The following KRT25 variants were observed in gnomAD, a reference collection of about 807,000 sequenced individuals.
KRT25 encodes the protein keratin 25.
KRT25 carries 37 observed loss-of-function variants against 47.6 expected under a neutral mutation model. The ratio of observed to expected loss-of-function variants is 0.78; its 90% confidence interval spans 0.60 to 1.02. The LOEUF (loss-of-function observed/expected upper bound fraction) is 1.02. KRT25 is among the 50% of genes least tolerant of loss of function. The pLI, the probability that KRT25 is intolerant of heterozygous loss-of-function variation, is 0.00. For synonymous variants in KRT25, 203 were observed against 210.2 expected (o/e 0.97, Z 0.30); for missense variants, 542 against 550.3 (o/e 0.98, Z 0.15).
At position 40,748,151 on chromosome 17, in the gene KRT25, G is replaced by A; in HGVS notation, c.*126C>T. The A allele has an allele frequency of 1.7e-6, 1 of 582,216 alleles. No individual in the cohort carries two copies. Among genetic ancestry groups the A allele is most frequent in the Non-Finnish European group, 3.0e-6 (1 of 337,002 alleles). The allele number at this position is 582,216 out of a possible 1,614,324, so 36.1% of individuals were successfully genotyped here. A position where few individuals can be genotyped will look rare whatever the true frequency, so the allele number is the denominator to read the frequency against. ...GGGAGATGCTGTCATTGATTGCCCA[G>A]AAAGAAAGTAACAGAAAGACAACAG... On this transcript the variant is annotated 3_prime_UTR_variant, in exon 8 of 8. Coordinates refer to ENST00000312150, the MANE Select transcript of KRT25 (RefSeq NM_181534.4).
chr17:40,749,596 G>A (rs2038027743), intron 6 of KRT25, among the ~76,000 whole-genome samples: 1 of 152,164 alleles, frequency 6.6e-6, no homozygotes, highest in African/African-American at 2.4e-5. Context: ...ATGCCACTGG[G>A]TGTATTTATA....
In KRT25 at chr17:40,754,840, T is replaced by A; in HGVS notation, c.429+3A>T. ...AAAATGATTGTGCAGTATGATTTCT[T>A]ACCTGATTTTTAAGGTCATCAATTA... On this transcript the variant is annotated splice_donor_region_variant and intron_variant, in intron 1 of 7. Transcript: ENST00000312150. 6.2e-7 allele frequency: 1 copy of A among 1,605,514 alleles called. No homozygotes were observed. The highest frequency in any genetic ancestry group is 8.5e-7 in the Non-Finnish European group (1 of 1,175,084).
intron 3 of KRT25, among the ~76,000 whole-genome samples, chr17:40,751,737 CTAG>C (rs780847327): frequency 5.3e-5 from 8 of 152,278 alleles, no homozygotes; most frequent in East Asian, 1.9e-4. Context: ...CTTCCTTCCA[CTAG>C]AGGCCAGCTT....
At position 40,750,988 on chromosome 17, in the gene KRT25, G is replaced by A. The variant is rs1411918270; in HGVS notation, c.923C>T (p.Thr308Ile). The change falls in exon 5 of 8, where the codon ACC becomes ATC. Residue 308 changes from threonine to isoleucine, a missense_variant. Transcript: ENST00000312150. ...ELTEMKRTLQ[T>I]LEIELQSLLA... is the part of the protein sequence containing the mutation. ...GAGAGACTGAAGTTCAATTTCCAGG[G>A]TTTGAAGAGTGCGCTTCATTTCAGT... 6.2e-7 allele frequency: 1 copy of A among 1,614,040 alleles called. No homozygotes were observed. The highest frequency in any genetic ancestry group is 1.3e-5 in the African/African-American group (1 of 74,904).
rs763760303 is a variant in KRT25 at position 40,751,011 on chromosome 17, A to T, written c.900T>A (p.Thr300=). The part of the protein sequence containing the change: ...GATTSARNEL[T]EMKRTLQTLE... ...GGGTTTGAAGAGTGCGCTTCATTTC[A>T]GTCAGCTCATTCCGGGCTGAGGTTG... The change falls in exon 5 of 8, where the codon ACT becomes ACA. Residue 300 remains threonine, a synonymous_variant. Transcript: ENST00000312150. 4 of 1,614,176 alleles carry T rather than the reference A, an allele frequency of 2.5e-6. No homozygotes were observed. In the South Asian group the frequency reaches 4.4e-5, roughly 18 times the overall value.
chr17:40,751,478 G>A (rs2038047369), intron 3 of KRT25, 152 bp from the exon 4 acceptor site: 2 of 790,586 alleles, frequency 2.5e-6, no homozygotes, highest in Non-Finnish European at 3.8e-6. Flanking sequence ...TTCCTGTCCC[G>A]TTGACCTAAT....
upstream of KRT25, chr17:40,755,447 G>A (rs2038098580): frequency 5.0e-6 from 3 of 605,592 alleles, no homozygotes; most frequent in East Asian, 8.6e-5. Context: ...GGCATAATTG[G>A]GTGATTTTTT....
At chr17:40,753,773 T>G (rs2038076687) in intron 3 of KRT25, 87 bp downstream of exon 3, 1 of 1,097,402 alleles carries the variant, frequency 9.1e-7, no homozygotes. Context: ...AGCACCAACT[T>G]TTTATATGAG....
intron 6 of KRT25, 148 bp from the exon 7 acceptor site, chr17:40,749,473 A>T: frequency 3.0e-6 from 2 of 665,814 alleles, no homozygotes; most frequent in South Asian, 3.7e-5. Context: ...AGAGGTATGA[A>T]TACCTTCTCC....
chr17:40,751,308 A>G lies in KRT25; in HGVS notation c.688T>C (p.Cys230Arg). ...ACGTTCACGTTGCCTCCAGCTGCGCACTGCAGAACTTGCATTTCCTAGAGG... is the reference window on the plus strand; with the variant it reads ...ACGTTCACGTTGCCTCCAGCTGCGCGCTGCAGAACTTGCATTTCCTAGAGG... ...NHKEEMQVLQ[C>R]AAGGNVNVEM... is the part of the protein sequence containing the mutation. The change falls in exon 4 of 8, where the codon TGC becomes CGC. Residue 230 changes from cysteine (C) to arginine (R), a missense_variant. Transcript: ENST00000312150. The G allele has an allele frequency of 6.2e-7, 1 of 1,610,948 alleles. No homozygotes were observed. The highest frequency in any genetic ancestry group is 8.5e-7 in the Non-Finnish European group (1 of 1,178,828).
In KRT25 at chr17:40,754,975, A is replaced by G. The variant is rs2038092680; in HGVS notation, c.297T>C (p.Ala99=). 4.3e-6 allele frequency: 7 copies of G among 1,614,002 alleles called. No homozygotes were observed. Among genetic ancestry groups the G allele is most frequent in the Non-Finnish European group, 5.9e-6 (7 of 1,180,034 alleles). Residue 99 remains alanine (A), a synonymous_variant, in exon 1 of 8, where the codon GCT becomes GCC. Coordinates refer to ENST00000312150, the MANE Select transcript of KRT25 (RefSeq NM_181534.4). The part of the protein sequence containing the change: ...RLASYLDSVH[A]LEEANADLEQ... ...CCAGGTCAGCGTTGGCCTCCTCCAG[A>G]GCATGCACACTGTCCAGGTAGGATG...
rs763818307 is a variant in KRT25, at chr17:40,755,057, C to T, written c.215G>A (p.Arg72Gln). Residue 72 changes from arginine (R) to glutamine (Q), a missense_variant, in exon 1 of 8, where the codon CGG becomes CAG. Transcript: ENST00000312150. ...CTTCTCATTGCCAGAAAGGAGCCCC[C>T]GCTCATTCACAGTGAAGCCAGCACA... is the stretch of plus-strand genomic sequence containing the variant. ...NPCAGFTVNE[R>Q]GLLSGNEKVT... 2.5e-4 allele frequency: 399 copies of T among 1,614,040 alleles called. 2 individuals are homozygous for T. Among genetic ancestry groups the T allele is most frequent in the Non-Finnish European group, 3.2e-4 (382 of 1,180,040 alleles).
At chr17:40,753,330 C>T (rs1483052330) in intron 3 of KRT25, among the ~76,000 whole-genome samples, 3 of 150,970 alleles carry the variant, frequency 2.0e-5, no homozygotes, top group South Asian at 2.1e-4. Context: ...AAACATGATT[C>T]GTTTTTTTTT....
chr17:40,755,385 A>G (rs1396855914), upstream of KRT25: 2 of 969,890 alleles, frequency 2.1e-6, no homozygotes, highest in Non-Finnish European at 3.0e-6. Context: ...TGTGTTCTGA[A>G]TGAAATTCTG....
At position 40,753,882 on chromosome 17, in the gene KRT25, TAAGTC is replaced by T; in HGVS notation, c.642_646del (p.Met214IlefsTer7). The T allele has an allele frequency of 6.2e-7, 1 of 1,613,910 alleles. No individual in the cohort carries two copies. The highest frequency in any genetic ancestry group is 8.5e-7 in the Non-Finnish European group (1 of 1,179,966). ...TACCTCTTTATGGTTCTTTTTGAGG[TAAGTC>T]ATCTCCTCACTCAGGGTTTCATACT... is the stretch of plus-strand genomic sequence containing the variant. On this transcript the variant is annotated frameshift_variant, in exon 3 of 8. Coordinates refer to ENST00000312150, the MANE Select transcript of KRT25 (RefSeq NM_181534.4). LOFTEE classifies it high-confidence loss of function.
intron 4 of KRT25, 24 bp downstream of exon 4, chr17:40,751,141 G>A (rs1202900703): frequency 1.2e-6 from 2 of 1,614,050 alleles, no homozygotes; most frequent in Admixed American, 3.3e-5. Context: ...CATGCAAAGG[G>A]ACCGTTTTCT....
In KRT25 at chr17:40,748,375, C is replaced by A. The variant is rs1215987982; in HGVS notation, c.1255G>T (p.Ala419Ser). The A allele has an allele frequency of 1.2e-6, 2 of 1,609,940 alleles. No homozygotes were observed. The highest frequency in any genetic ancestry group is 1.7e-6 in the Non-Finnish European group (2 of 1,178,140). The change falls in exon 8 of 8, where the codon GCC becomes TCC. Residue 419 changes from alanine to serine, a missense_variant. Physicochemically the swap from Ala to Ser is moderately conservative, Grantham distance 99 (BLOSUM62 1). Coordinates refer to ENST00000312150, the MANE Select transcript of KRT25 (RefSeq NM_181534.4). ...TCAAGAACTTTCTTAACCACTATGGCTTTGGCTGGGTCTGAGCATTAAAAA... is the reference window on the plus strand; with the variant it reads ...TCAAGAACTTTCTTAACCACTATGGATTTGGCTGGGTCTGAGCATTAAAAA... ...VGSQVKDPAK[A>S]IVVKKVLEEV...
At position 40,754,928 on chromosome 17, in the gene KRT25, T is replaced by C. The variant is rs1243137799; in HGVS notation, c.344A>G (p.Tyr115Cys). 6.2e-7 allele frequency: 1 copy of C among 1,614,070 alleles called. No homozygotes were observed. The highest frequency in any genetic ancestry group is 1.7e-5 in the Admixed American group (1 of 59,998). Reference sequence around the variant, plus strand: ...GCAAGAGCCAGGCCCAAATTTCTCATACCAGCCCTTGATCTTCTGCTCCAG... The same window carrying C: ...GCAAGAGCCAGGCCCAAATTTCTCACACCAGCCCTTGATCTTCTGCTCCAG... The part of the protein sequence containing the change: ...ADLEQKIKGW[Y>C]EKFGPGSCRG... The change falls in exon 1 of 8, where the codon TAT (tyrosine) becomes TGT (cysteine). Residue 115 changes from tyrosine (Y) to cysteine (C), a missense_variant. By Grantham distance (194) the Tyr-to-Cys change is radical. Transcript: ENST00000312150.
chr17:40,750,290 A>G, intron 6 of KRT25, 90 bp downstream of exon 6: 1 of 1,343,428 alleles, frequency 7.4e-7, no homozygotes, highest in Non-Finnish European at 1.1e-6. Flanking sequence ...GCATGCAGCC[A>G]AATTATGTCC....
Sources: gnomAD v4.1 joint callset for allele counts (sites outside exome capture counted in the v4.1 genomes callset) on GRCh38, gnomAD v4.1.1 for gene constraint, MANE v1.5 for transcripts, NCBI Gene and HGNC (gene_info 2026-07-23, HGNC 2026-07-21) for gene names.